The following PRKG1 variants were observed in gnomAD, a reference collection of about 807,000 sequenced individuals.
The protein encoded by PRKG1 is protein kinase cGMP-dependent 1, also known as cGMP-dependent protein kinase 1.
PRKG1 carries 35 observed loss-of-function variants against 88.1 expected under a neutral mutation model. The observed-to-expected ratio is 0.40, with a 90% CI of 0.30 to 0.53. PRKG1 has a LOEUF of 0.53. PRKG1 is among the 20% of genes least tolerant of loss of function. PRKG1 has a pLI of 0.59. For missense variants in PRKG1, 540 were observed against 839.8 expected (o/e 0.64, Z 4.41); for synonymous variants, 303 against 292.5 (o/e 1.04, Z -0.37).
chr10:51,829,720 C>A (rs759688900), intron 4 of PRKG1, among the ~76,000 whole-genome samples: 1 of 152,130 alleles, frequency 6.6e-6, no homozygotes, highest in Non-Finnish European at 1.5e-5. Flanking sequence ...ATAGATAAAG[C>A]AACAACTATT....
chr10:51,973,509 C>A (rs542452556), intron 5 of PRKG1, among the ~76,000 whole-genome samples: 2 of 152,242 alleles, frequency 1.3e-5, no homozygotes, highest in Admixed American at 6.5e-5. Flanking sequence ...TGCTTTCTGA[C>A]TTATTCATCC....
At chr10:51,187,556 T>C (rs781507094) in intron 2 of PRKG1, among the ~76,000 whole-genome samples, 7 of 152,012 alleles carry the variant, frequency 4.6e-5, no homozygotes, top group Non-Finnish European at 1.0e-4. Flanking sequence ...TGTTTCTGAG[T>C]GTTTGGCTGT....
At chr10:51,035,378 C>T (rs553528886) in intron 1 of PRKG1, among the ~76,000 whole-genome samples, 24 of 152,242 alleles carry the variant, frequency 1.6e-4, no homozygotes, top group African/African-American at 4.3e-4. Flanking sequence ...TTTTTCTCAA[C>T]GTTCTGTCAT....
At chr10:52,093,109 G>C (rs779535154) in intron 7 of PRKG1, among the ~76,000 whole-genome samples, 76 of 152,232 alleles carry the variant, frequency 5.0e-4, no homozygotes, top group Non-Finnish European at 7.1e-4. Context: ...CTTGGATGTA[G>C]AACCACTGTT....
intron 9 of PRKG1, among the ~76,000 whole-genome samples, chr10:52,187,460 G>C (rs1372867934): frequency 6.6e-6 from 1 of 152,050 alleles, no homozygotes; most frequent in Non-Finnish European, 1.5e-5. Context: ...TATGATACAA[G>C]TGTATATTGT....
intron 3 of PRKG1, among the ~76,000 whole-genome samples, chr10:51,742,148 A>G (rs537164351): frequency 6.6e-6 from 1 of 152,260 alleles, no homozygotes; most frequent in African/African-American, 2.4e-5. Flanking sequence ...ACCATCTGGG[A>G]AAGAGGCTGC....
At chr10:51,581,033 A>G (rs7909634) in intron 3 of PRKG1, among the ~76,000 whole-genome samples, 140,251 of 152,010 alleles carry the variant, frequency 0.92, 64,807 homozygotes, top group East Asian at 1. Flanking sequence ...TTCTGGTCCC[A>G]CGATGCCTCC....
Position 51,697,995 on chromosome 10 carries a change from G to C in PRKG1, c.593-106590G>C, listed in dbSNP as rs766268223. 22 of 1,611,692 alleles carry C rather than the reference G, an allele frequency of 1.4e-5. No individual in the cohort carries two copies. The Admixed American group carries it at 3.7e-4, about 27-fold the overall frequency. On this transcript the variant is annotated intron_variant, in intron 3 of 17. Transcript: ENST00000373980. ...CCTCCTCCTTGTATGCCTGCTCCCT[G>C]CATGCCTGTTCCTTGTATGCCTGTA...
chr10:51,426,038 G>T (rs1208683409), intron 2 of PRKG1, among the ~76,000 whole-genome samples: 4 of 152,182 alleles, frequency 2.6e-5, no homozygotes, highest in Non-Finnish European at 5.9e-5. Context: ...CACTTTGGGA[G>T]GCCGAGGCGG....
At chr10:51,578,527 C>T (rs1837945116) in intron 3 of PRKG1, among the ~76,000 whole-genome samples, 1 of 152,062 alleles carries the variant, frequency 6.6e-6, no homozygotes, top group Admixed American at 6.6e-5. Context: ...TCCCTCTTTG[C>T]TGGGCAGTGG....
intron 7 of PRKG1, among the ~76,000 whole-genome samples, chr10:52,120,296 C>G (rs531015414): frequency 2.0e-5 from 3 of 152,272 alleles, no homozygotes; most frequent in East Asian, 3.9e-4. Flanking sequence ...CCATCAAATT[C>G]TGTGCATGCC....
At chr10:51,120,461 C>G (rs1845233412) in intron 1 of PRKG1, among the ~76,000 whole-genome samples, 1 of 152,064 alleles carries the variant, frequency 6.6e-6, no homozygotes, top group African/African-American at 2.4e-5. Flanking sequence ...TTTTCTCTCT[C>G]TGTCTTTCCT....
intron 1 of PRKG1, among the ~76,000 whole-genome samples, chr10:51,127,375 C>A (rs1845456162): frequency 6.6e-6 from 1 of 152,140 alleles, no homozygotes; most frequent in Non-Finnish European, 1.5e-5. Context: ...CATCACTGAT[C>A]ATTAGAGAAA....
chr10:52,181,349 G>A (rs1839020337), intron 9 of PRKG1, among the ~76,000 whole-genome samples: 1 of 149,382 alleles, frequency 6.7e-6, no homozygotes, highest in African/African-American at 2.5e-5. Context: ...TCTGTTTTGT[G>A]TTGCTGTGAA....
chr10:51,545,247 T>C (rs1366374360), intron 3 of PRKG1, among the ~76,000 whole-genome samples: 2 of 152,108 alleles, frequency 1.3e-5, no homozygotes, highest in African/African-American at 4.8e-5. Context: ...CCCTCATATA[T>C]AAAGATCAAA....
In PRKG1 at chr10:51,115,386, A is replaced by ATATATATATATATATATATAT. The variant is rs1465710988; in HGVS notation, c.312-37778_312-37777insTATATATATATATATATATAT. On this transcript the variant is annotated intron_variant, in intron 1 of 17. Transcript: ENST00000373980. The stretch of plus-strand genomic sequence containing the variant: ...GTTCCTTTAAACATATATATATATA[A>ATATATATATATATATATATAT]AACAAATGTGAAAGGGGGAGAGACA... 1.6e-3 allele frequency among the ~76,000 whole-genome samples: 113 copies of ATATATATATATATATATATAT among 70,414 alleles called. 9 individuals carry two copies. Among genetic ancestry groups the ATATATATATATATATATATAT allele is most frequent in the East Asian group, 0.01 (13 of 1,266 alleles). The allele number at this position is 70,414 out of a possible 152,430, so 46.2% of individuals were successfully genotyped here.
chr10:50,994,962 G>C (rs911354683), intron 1 of PRKG1, among the ~76,000 whole-genome samples: 3 of 152,170 alleles, frequency 2.0e-5, no homozygotes, highest in Non-Finnish European at 4.4e-5. Context: ...ATGAAAGGAT[G>C]TGTGTAGGTT....
chr10:51,651,599 A>G (rs202046198), intron 3 of PRKG1, among the ~76,000 whole-genome samples: 1 of 113,676 alleles, frequency 8.8e-6, no homozygotes, highest in Non-Finnish European at 2.0e-5. Flanking sequence ...TTTTTTTTTT[A>G]ATTTAGTCAG....
At chr10:51,071,414 AT>A (rs1382899462), upstream of PRKG1, among the ~76,000 whole-genome samples, 3 of 152,232 alleles carry the variant, frequency 2.0e-5, no homozygotes, top group African/African-American at 7.2e-5. Flanking sequence ...ATTTAAAAAA[AT>A]AACACAGCCT....
Sources: allele counts gnomAD v4.1 joint callset (sites outside exome capture counted in the v4.1 genomes callset), GRCh38; gene constraint gnomAD v4.1.1; transcripts MANE v1.5; gene names NCBI Gene and HGNC (gene_info 2026-07-23, HGNC 2026-07-21).